Variants in EBF1 observed in about 807,000 individuals in gnomAD.
EBF1 encodes the protein EBF transcription factor 1, also known as transcription factor COE1.
Under a neutral mutation model 68.4 loss-of-function variants are expected in EBF1, and 10 were observed. The observed-to-expected ratio is 0.15, with a 90% confidence interval of 0.09 to 0.25. The LOEUF is 0.25. EBF1 is among the 10% of genes least tolerant of loss of function. The pLI, the probability that EBF1 is intolerant of heterozygous loss-of-function variation, is 1.00. For missense variants in EBF1, 509 were observed against 794.4 expected (o/e 0.64, Z 4.32); for synonymous variants, 298 against 299.8 (o/e 0.99, Z 0.06).
intron 6 of EBF1, among the ~76,000 whole-genome samples, chr5:158,984,511 T>G (rs989571543): frequency 6.6e-6 from 1 of 152,054 alleles, no homozygotes; most frequent in African/African-American, 2.4e-5. Context: ...TGGAATCACA[T>G]AGTAAGAGTG....
At chr5:158,794,578 T>C (rs1779285519) in intron 9 of EBF1, among the ~76,000 whole-genome samples, 1 of 152,182 alleles carries the variant, frequency 6.6e-6, no homozygotes, top group Non-Finnish European at 1.5e-5. Flanking sequence ...CTAACCCACC[T>C]CCTTCTCAAA....
At chr5:158,885,508 G>A (rs1799870994) in intron 6 of EBF1, among the ~76,000 whole-genome samples, 1 of 152,184 alleles carries the variant, frequency 6.6e-6, no homozygotes, top group South Asian at 2.1e-4. Flanking sequence ...GATATTCAGA[G>A]GATCAGTTAA....
intron 6 of EBF1, among the ~76,000 whole-genome samples, chr5:158,862,879 A>T (rs1369191872): frequency 6.6e-6 from 1 of 152,266 alleles, no homozygotes; most frequent in Non-Finnish European, 1.5e-5. Flanking sequence ...GCTCAGGAAC[A>T]GCAGTCCTTC....
At chr5:159,061,433 GAA>G (rs769363443) in intron 6 of EBF1, among the ~76,000 whole-genome samples, 3 of 140,096 alleles carry the variant, frequency 2.1e-5, no homozygotes, top group East Asian at 2.0e-4. Context: ...GAACTTCCAA[GAA>G]AAAAAAAAAG....
intron 6 of EBF1, among the ~76,000 whole-genome samples, chr5:158,853,751 T>C (rs1465815867): frequency 3.9e-5 from 6 of 152,168 alleles, no homozygotes; most frequent in African/African-American, 1.4e-4. Context: ...GTCTATCACA[T>C]GCACACGCGC....
chr5:159,094,189 A>C lies in EBF1; in HGVS notation c.411+1431T>G, dbSNP rs1014972585. On this transcript the variant is annotated intron_variant, in intron 4 of 15. Transcript: ENST00000313708. ...GCAAAAAAAAAAAAAAAAAAAAAAA[A>C]AAAAACACAGTGTCCAAATGAAAGT... Among the ~76,000 whole-genome samples, 13 of 147,116 alleles carry C rather than the reference A, an allele frequency of 8.8e-5. No homozygotes were observed. In the East Asian group the frequency reaches 1.8e-3, roughly 20 times the overall value.
At chr5:158,949,374 A>T (rs1329539089) in intron 6 of EBF1, among the ~76,000 whole-genome samples, 6 of 152,178 alleles carry the variant, frequency 3.9e-5, no homozygotes, top group Non-Finnish European at 5.9e-5. Flanking sequence ...CACATCTGTA[A>T]TCCCAAGCAC....
intron 8 of EBF1, among the ~76,000 whole-genome samples, chr5:158,813,254 C>T (rs1783053777): frequency 6.6e-6 from 1 of 152,140 alleles, no homozygotes; most frequent in South Asian, 2.1e-4. Context: ...TTTGTTTACG[C>T]ATTAACATAA....
At chr5:158,888,177 CACT>C (rs1800419647) in intron 6 of EBF1, among the ~76,000 whole-genome samples, 1 of 152,124 alleles carries the variant, frequency 6.6e-6, no homozygotes, top group Admixed American at 6.6e-5. Flanking sequence ...CAGTTACCAC[CACT>C]AAGTTCTTTT....
chr5:158,935,860 C>G (rs1811899574), intron 6 of EBF1, among the ~76,000 whole-genome samples: 1 of 152,182 alleles, frequency 6.6e-6, no homozygotes, highest in African/African-American at 2.4e-5. Flanking sequence ...AAAAATCTGC[C>G]AAGAACCCAG....
intron 6 of EBF1, among the ~76,000 whole-genome samples, chr5:158,900,792 T>C (rs1259155760): frequency 6.6e-6 from 1 of 152,200 alleles, no homozygotes; most frequent in Non-Finnish European, 1.5e-5. Flanking sequence ...TCCAAATAAG[T>C]CTACCCATTC....
intron 6 of EBF1, among the ~76,000 whole-genome samples, chr5:159,060,933 TACAC>T (rs72070397): frequency 0.17 from 24,556 of 143,592 alleles, 2,029 homozygotes; most frequent in Non-Finnish European, 0.2. Context: ...TAAAGCTACA[TACAC>T]ACACACACAC....
intron 4 of EBF1, among the ~76,000 whole-genome samples, chr5:159,095,110 C>T (rs1782355591): frequency 6.6e-6 from 1 of 152,212 alleles, no homozygotes; most frequent in Non-Finnish European, 1.5e-5. Flanking sequence ...TCAACACTAC[C>T]TTCACCATCA....
chr5:158,830,092 A>T (rs2127911635), intron 7 of EBF1, among the ~76,000 whole-genome samples: 1 of 152,334 alleles, frequency 6.6e-6, no homozygotes, highest in Non-Finnish European at 1.5e-5. Context: ...TGATAAAAGG[A>T]GTCCTCAATA....
chr5:158,938,615 C>T (rs1370218524), intron 6 of EBF1, among the ~76,000 whole-genome samples: 1 of 152,238 alleles, frequency 6.6e-6, no homozygotes, highest in Non-Finnish European at 1.5e-5. Context: ...GCTGAGGGCT[C>T]TCTTCCCAGT....
chr5:159,007,639 G>T (rs976478676), intron 6 of EBF1, among the ~76,000 whole-genome samples: 3 of 152,154 alleles, frequency 2.0e-5, no homozygotes, highest in Non-Finnish European at 4.4e-5. Context: ...ATTCCTCCAT[G>T]AATGACCAAG....
chr5:158,842,728 G>A (rs1397541606), intron 6 of EBF1, among the ~76,000 whole-genome samples: 2 of 152,220 alleles, frequency 1.3e-5, no homozygotes, highest in African/African-American at 4.8e-5. Context: ...CGTGTATTGG[G>A]TGCTTACCTT....
At chr5:158,838,863 A>C (rs1285547533) in intron 7 of EBF1, among the ~76,000 whole-genome samples, 1 of 146,728 alleles carries the variant, frequency 6.8e-6, no homozygotes, top group Non-Finnish European at 1.5e-5. Flanking sequence ...TCTGACAGGG[A>C]AACTAACATT....
intron 6 of EBF1, among the ~76,000 whole-genome samples, chr5:158,965,396 A>G (rs1467716933): frequency 6.6e-6 from 1 of 152,170 alleles, no homozygotes; most frequent in East Asian, 1.9e-4. Flanking sequence ...GGATTTGCCT[A>G]TTTTCTGAAA....
Sources: allele counts gnomAD v4.1 joint callset (sites outside exome capture counted in the v4.1 genomes callset), GRCh38; gene constraint gnomAD v4.1.1; transcripts MANE v1.5; gene names NCBI Gene and HGNC (gene_info 2026-07-23, HGNC 2026-07-21).